The following ANKRD44 variants were observed in gnomAD, a reference collection of about 807,000 sequenced individuals.
The protein encoded by ANKRD44 is serine/threonine-protein phosphatase 6 regulatory ankyrin repeat subunit B.
In ANKRD44, 35 loss-of-function variants were observed where a neutral mutation model predicts 116.0. The observed-to-expected ratio is 0.30, with a 90% CI of 0.23 to 0.40. The LOEUF (loss-of-function observed/expected upper bound fraction) is 0.40. Among genes scored for constraint, ANKRD44 ranks in the 10% least tolerant of loss-of-function variants. ANKRD44 has a pLI of 1.00. For missense variants in ANKRD44, 1,014 were observed against 1,242.6 expected, an observed-to-expected ratio of 0.82 and a Z score of 2.77; for synonymous variants, 435 against 461.8, an observed-to-expected ratio of 0.94 and a Z score of 0.74.
At chr2:197,091,926 G>A (rs1440804767) in intron 10 of ANKRD44, among the ~76,000 whole-genome samples, 1 of 152,058 alleles carries the variant, frequency 6.6e-6, no homozygotes, top group African/African-American at 2.4e-5. Context: ...TAGTATTTAA[G>A]AGAAAATCTA....
chr2:197,187,162 C>T, intron 1 of ANKRD44, 56 bp from the exon 2 acceptor site: 4 of 1,490,664 alleles, frequency 2.7e-6, no homozygotes, highest in Non-Finnish European at 3.7e-6. Context: ...TGATCACATA[C>T]AGATGCAGAT....
At chr2:196,967,213 G>T (rs2075678462) in exon 22 of ANKRD44, 1 of 233,442 alleles carries the variant, frequency 4.3e-6, no homozygotes, top group Non-Finnish European at 9.3e-6. Flanking sequence ...CTAAGGGAAA[G>T]AGGAATTTCC....
At chr2:197,171,547 AT>A (rs1298206749) in intron 2 of ANKRD44, among the ~76,000 whole-genome samples, 5 of 152,224 alleles carry the variant, frequency 3.3e-5, no homozygotes, top group African/African-American at 9.6e-5. Flanking sequence ...AGGAAGGATG[AT>A]TAGGGAGAAC....
In ANKRD44 at chr2:197,272,355, A is replaced by G. The variant is rs570173875; in HGVS notation, c.27+38223T>C. ...CCGGGTTCAAGCAATTTCCTGCCTC[A>G]GCCTCCTAAGTAGCTGGGACTACAG... On this transcript the variant is annotated intron_variant, in intron 1 of 27. Transcript: ENST00000282272. Among the ~76,000 whole-genome samples the G allele has an allele frequency of 2.0e-5, 3 of 152,176 alleles. No individual in the cohort carries two copies. In the East Asian group the frequency reaches 5.8e-4, roughly 29 times the overall value.
chr2:197,209,714 A>AT (rs1275150107), intron 1 of ANKRD44, among the ~76,000 whole-genome samples: 1 of 152,160 alleles, frequency 6.6e-6, no homozygotes, highest in African/African-American at 2.4e-5. Flanking sequence ...TAACTACTTC[A>AT]TTTTCCTCTA....
At position 197,212,115 on chromosome 2, in the gene ANKRD44, A is replaced by G. The variant is rs1189728260; in HGVS notation, c.28-25009T>C. Among the ~76,000 whole-genome samples the G allele has an allele frequency of 6.6e-6, 1 of 152,056 alleles. No homozygotes were observed. The highest frequency in any genetic ancestry group is 1.5e-5 in the Non-Finnish European group (1 of 68,010). On this transcript the variant is annotated intron_variant, in intron 1 of 27. Transcript: ENST00000282272. The surrounding 1 kb of genome is among the most constrained non-coding windows in gnomAD (Gnocchi z 4.8). ...TTGGGGGAAGGAGAGGAGATATTGC[A>G]GAGCTAGAGTTTTGGAACTGGAACA...
chr2:197,002,190 T>A (rs2076125874), intron 21 of ANKRD44, among the ~76,000 whole-genome samples: 1 of 152,218 alleles, frequency 6.6e-6, no homozygotes, highest in African/African-American at 2.4e-5. Flanking sequence ...TAAGAGGAAA[T>A]GTACCTTTCA....
At chr2:197,188,427 G>C (rs2125608906) in intron 1 of ANKRD44, among the ~76,000 whole-genome samples, 1 of 152,358 alleles carries the variant, frequency 6.6e-6, no homozygotes, top group South Asian at 2.1e-4. Context: ...ACTGACCAGA[G>C]TGTGGGGTAA....
At chr2:197,113,088 A>T (rs1574480207) in intron 8 of ANKRD44, among the ~76,000 whole-genome samples, 1 of 152,376 alleles carries the variant, frequency 6.6e-6, no homozygotes, top group African/African-American at 2.4e-5. Context: ...GTATAATCTG[A>T]ATCAGAACAG....
intron 1 of ANKRD44, among the ~76,000 whole-genome samples, chr2:197,248,619 A>G (rs2082249478): frequency 6.7e-6 from 1 of 149,022 alleles, no homozygotes; most frequent in South Asian, 2.1e-4. Context: ...GAGAGAGGAG[A>G]AAGACATAGA....
At chr2:197,126,750 G>GA (rs1002775525) in intron 4 of ANKRD44, among the ~76,000 whole-genome samples, 40 of 148,524 alleles carry the variant, frequency 2.7e-4, no homozygotes, top group Non-Finnish European at 3.4e-4. Context: ...CTCTAACGAA[G>GA]AAAAAAAAAA....
chr2:197,188,752 C>CAT (rs1482299888), intron 1 of ANKRD44, among the ~76,000 whole-genome samples: 1 of 152,104 alleles, frequency 6.6e-6, no homozygotes, highest in African/African-American at 2.4e-5. Context: ...ATTATGCACA[C>CAT]ACACACATTC....
intron 8 of ANKRD44, among the ~76,000 whole-genome samples, chr2:197,116,126 G>A (rs1266261742): frequency 6.6e-6 from 1 of 152,174 alleles, no homozygotes; most frequent in African/African-American, 2.4e-5. Flanking sequence ...TATCACAGAA[G>A]CTGAAGTCCC....
intron 1 of ANKRD44, among the ~76,000 whole-genome samples, chr2:197,273,762 C>T (rs1171698319): frequency 6.6e-6 from 1 of 151,764 alleles, no homozygotes; most frequent in Non-Finnish European, 1.5e-5. Context: ...AGGCCTAAGG[C>T]CCTAAATCAA....
At chr2:197,026,048 A>AAAAAAC (rs1553489119) in intron 16 of ANKRD44, among the ~76,000 whole-genome samples, 3 of 8,176 alleles carry the variant, frequency 3.7e-4, no homozygotes, top group South Asian at 0.018. Context: ...AAAAAGAAAC[A>AAAAAAC]AAAAAAAAAA....
intron 1 of ANKRD44, among the ~76,000 whole-genome samples, chr2:197,276,596 C>A (rs2083092182): frequency 6.6e-6 from 1 of 152,074 alleles, no homozygotes; most frequent in Admixed American, 6.5e-5. Flanking sequence ...TAGCTGTCCC[C>A]ATATTGAAAT....
rs182708627 is a variant in ANKRD44 at position 197,031,657 on chromosome 2, G to T, written c.1651-6390C>A. ...TACATGTGGAACAAAATGCTATGAT[G>T]TTAGGATTTTTTGGTAAATCAAATA... On this transcript the variant is annotated intron_variant, in intron 16 of 27. Transcript: ENST00000282272. Among the ~76,000 whole-genome samples, 60 of 152,300 alleles carry T rather than the reference G, an allele frequency of 3.9e-4. 1 individual carries two copies. Among genetic ancestry groups the T allele is most frequent in the African/African-American group, 1.4e-3 (59 of 41,562 alleles).
At chr2:197,025,127 G>A (rs987458922) in intron 17 of ANKRD44, 69 bp downstream of exon 17, 7 of 1,448,862 alleles carry the variant, frequency 4.8e-6, no homozygotes, top group Admixed American at 3.4e-5. Flanking sequence ...CATTTTAAGA[G>A]CAATCTAGTT....
At chr2:197,134,778 A>G (rs2079179050) in intron 4 of ANKRD44, 1 of 152,190 alleles carries the variant, frequency 6.6e-6, no homozygotes, top group African/African-American at 2.4e-5. Context: ...CCAACTAAAA[A>G]GACCTGGTTC....
Sources: gnomAD v4.1 joint callset for allele counts (sites outside exome capture counted in the v4.1 genomes callset) on GRCh38, gnomAD v4.1.1 for gene constraint, Gnocchi (gnomAD v3.1) non-coding constraint, MANE v1.5 for transcripts, NCBI Gene and HGNC (gene_info 2026-07-23, HGNC 2026-07-21) for gene names.